Variants in STAT3 observed in about 807,000 individuals in gnomAD.
The protein encoded by STAT3 is DNA-binding protein APRF.
STAT3 carries 7 observed loss-of-function variants against 114.3 expected under a neutral mutation model. The ratio of observed to expected loss-of-function variants is 0.06; its 90% CI spans 0.03 to 0.11. The LOEUF (loss-of-function observed/expected upper bound fraction) is 0.11, where lower values mean the gene tolerates loss of function less well. Among genes scored for constraint, STAT3 ranks in the 10% least tolerant of loss-of-function variants. The probability of loss-of-function intolerance (pLI) is 1.00; values close to 1 mark genes in which losing one functional copy is unlikely to be tolerated. For synonymous variants in STAT3, 331 were observed against 354.5 expected, an observed-to-expected ratio of 0.93 and a Z score of 0.74; for missense variants, 364 against 960.9, an observed-to-expected ratio of 0.38 and a Z score of 8.21.
At position 42,354,106 on chromosome 17, in the gene STAT3, G is replaced by A. The variant is rs554383831; in HGVS notation, c.-23-5567C>T. On this transcript the variant is annotated intron_variant, in intron 1 of 23. Coordinates refer to ENST00000264657, the MANE Select transcript of STAT3 (RefSeq NM_139276.3). The stretch of plus-strand genomic sequence containing the variant: ...CCAGTACATAACTAAGGATTTTTTG[G>A]TTGTTGCTGTTCTTATTTTTAGCTG... Among the ~76,000 whole-genome samples the A allele has an allele frequency of 7.9e-5, 12 of 151,146 alleles. No individual in the cohort carries two copies. The East Asian group carries it at 2.3e-3, about 29-fold the overall frequency.
chr17:42,368,048 TA>T (rs2083903044), intron 1 of STAT3, among the ~76,000 whole-genome samples: 1 of 152,120 alleles, frequency 6.6e-6, no homozygotes, highest in Non-Finnish European at 1.5e-5. Context: ...AATTAAAATC[TA>T]AACTTCCAGC....
chr17:42,362,355 C>G (rs762635829), intron 1 of STAT3, among the ~76,000 whole-genome samples: 5 of 152,182 alleles, frequency 3.3e-5, no homozygotes, highest in South Asian at 2.1e-4. Context: ...GCAGAAACAT[C>G]AGAGCCAAAA....
At chr17:42,384,457 C>G (rs181412428) in intron 1 of STAT3, among the ~76,000 whole-genome samples, 155 of 151,892 alleles carry the variant, frequency 1.0e-3, no homozygotes, top group Non-Finnish European at 1.9e-3. Context: ...GCTTCCCCTA[C>G]AAAAGAACAG....
intron 14 of STAT3, among the ~76,000 whole-genome samples, chr17:42,327,155 G>A (rs1004136270): frequency 3.3e-5 from 5 of 152,162 alleles, no homozygotes; most frequent in Non-Finnish European, 1.5e-5. Flanking sequence ...TTAAGGAAAA[G>A]TCCATCACTC....
At chr17:42,322,962 C>T (rs1475439776) in intron 20 of STAT3, 42 bp downstream of exon 20, 1 of 1,612,490 alleles carries the variant, frequency 6.2e-7, no homozygotes, top group African/African-American at 1.3e-5. Flanking sequence ...GATGAGGCCT[C>T]AGCAGCCACC....
chr17:42,340,675 C>T (rs2082408643), intron 4 of STAT3, among the ~76,000 whole-genome samples: 1 of 152,140 alleles, frequency 6.6e-6, no homozygotes, highest in African/African-American at 2.4e-5. Context: ...TGGTCCCTAT[C>T]CAAGCCCACA....
intron 4 of STAT3, among the ~76,000 whole-genome samples, chr17:42,342,477 T>G (rs1428166119): frequency 7.2e-6 from 1 of 139,112 alleles, no homozygotes. Context: ...AGTGAGACTC[T>G]GTCTCAAAAG....
chr17:42,387,255 G>C (rs1287542080), intron 1 of STAT3: 1 of 152,168 alleles, frequency 6.6e-6, no homozygotes, highest in African/African-American at 2.4e-5. Context: ...ACCAAACATG[G>C]AAATACCAAC....
intron 4 of STAT3, among the ~76,000 whole-genome samples, chr17:42,341,332 C>T (rs895392007): frequency 6.6e-6 from 1 of 152,242 alleles, no homozygotes; most frequent in Non-Finnish European, 1.5e-5. Flanking sequence ...TCACCCCAGA[C>T]TCCCAACTCT....
intron 1 of STAT3, among the ~76,000 whole-genome samples, chr17:42,374,676 C>T (rs1486155149): frequency 2.7e-5 from 4 of 150,444 alleles, no homozygotes; most frequent in Non-Finnish European, 4.4e-5. Flanking sequence ...CAGTCAATCA[C>T]TCAGCCAAAG....
intron 1 of STAT3, among the ~76,000 whole-genome samples, chr17:42,376,371 A>G (rs2084459558): frequency 6.6e-6 from 1 of 151,824 alleles, no homozygotes; most frequent in South Asian, 2.1e-4. Context: ...TATTAATGAA[A>G]CCCCATCTCT....
In STAT3 at chr17:42,345,658, C is replaced by A; in HGVS notation, c.274-1G>T. 1 of 1,597,708 alleles carries A rather than the reference C, an allele frequency of 6.3e-7. No individual in the cohort carries two copies. Among genetic ancestry groups the A allele is most frequent in the East Asian group, 2.3e-5 (1 of 44,106 alleles). On this transcript the variant is annotated splice_acceptor_variant, in intron 3 of 23. Coordinates refer to ENST00000264657, the MANE Select transcript of STAT3 (RefSeq NM_139276.3). LOFTEE classifies it high-confidence loss of function. The stretch of plus-strand genomic sequence containing the variant: ...CCATTGGCTTCTCAAGATACCTGCT[C>A]TATAAGTAGGAGAGAAAGAGAATAA...
Position 42,315,628 on chromosome 17 carries a change from A to T in STAT3, c.*117T>A. On this transcript the variant is annotated 3_prime_UTR_variant, in exon 24 of 24. Coordinates refer to ENST00000264657, the MANE Select transcript of STAT3 (RefSeq NM_139276.3). Reference sequence around the variant, plus strand: ...ATAGCAGAAGTAGGAGATTAAAAAAAATCTGGAACCACAAAGTTAGTAGTT... The same window carrying T: ...ATAGCAGAAGTAGGAGATTAAAAAATATCTGGAACCACAAAGTTAGTAGTT... The T allele has an allele frequency of 3.6e-6, 4 of 1,101,164 alleles. No individual in the cohort carries two copies. Among genetic ancestry groups the T allele is most frequent in the Non-Finnish European group, 5.5e-6 (4 of 722,748 alleles). 68.2% of individuals were successfully genotyped at this position (1,101,164 alleles called of 1,614,324 possible).
At chr17:42,353,378 GAAGAGAAA>G (rs2083072319) in intron 1 of STAT3, among the ~76,000 whole-genome samples, 2 of 147,144 alleles carry the variant, frequency 1.4e-5, no homozygotes, top group Admixed American at 6.8e-5. Flanking sequence ...AAGAAAGAAA[GAAGAGAAA>G]AGAAAAGAAA....
chr17:42,351,537 A>G (rs1221193013), intron 1 of STAT3, among the ~76,000 whole-genome samples: 1 of 152,078 alleles, frequency 6.6e-6, no homozygotes, highest in Admixed American at 6.6e-5. Context: ...CACAAAAACT[A>G]TTAATGAGAT....
At chr17:42,386,878 G>C (rs542576168) in intron 1 of STAT3, 1 of 152,150 alleles carries the variant, frequency 6.6e-6, no homozygotes, top group South Asian at 2.1e-4. Flanking sequence ...TGTGCAAACT[G>C]AACAAAAACT....
At chr17:42,365,663 T>G (rs796428266) in intron 1 of STAT3, among the ~76,000 whole-genome samples, 21 of 145,480 alleles carry the variant, frequency 1.4e-4, no homozygotes, top group African/African-American at 4.5e-4. Flanking sequence ...TTTTTTTTTG[T>G]TTTTTTTTTT....
Position 42,376,240 on chromosome 17 carries a change from A to T in STAT3, c.-24+12039T>A, listed in dbSNP as rs146827747. ...ATGAAAGAAGGGAAGCTGTCTGTTC[A>T]GGGAAAGCAACTGACAATATTTGTT... On this transcript the variant is annotated intron_variant, in intron 1 of 23. Coordinates refer to ENST00000264657, the MANE Select transcript of STAT3 (RefSeq NM_139276.3). Among the ~76,000 whole-genome samples, 119 of 152,290 alleles carry T rather than the reference A, an allele frequency of 7.8e-4. No homozygotes were observed. The East Asian group carries it at 0.018, about 23-fold the overall frequency.
intron 1 of STAT3, chr17:42,387,499 T>C (rs1425378303): frequency 1.3e-5 from 2 of 152,234 alleles, no homozygotes; most frequent in Non-Finnish European, 2.9e-5. Flanking sequence ...TTATTTATCT[T>C]CTGGCCGACT....
Sources: allele counts gnomAD v4.1 joint callset (sites outside exome capture counted in the v4.1 genomes callset), GRCh38; gene constraint gnomAD v4.1.1; transcripts MANE v1.5; gene names NCBI Gene and HGNC (gene_info 2026-07-23, HGNC 2026-07-21).